Variants in FAT1 observed in about 807,000 individuals in gnomAD.
FAT1 encodes protocadherin Fat 1.
Under a neutral mutation model 329.8 loss-of-function variants are expected in FAT1, and 171 were observed. The observed-to-expected ratio is 0.52, with a 90% CI of 0.46 to 0.59. FAT1 has a LOEUF of 0.59. Ranked by LOEUF, FAT1 falls within the 20% of genes least tolerant of loss-of-function variation. FAT1 has a pLI of 0.00. For synonymous variants in FAT1, 2,233 were observed against 2,228.6 expected (o/e 1.00, Z -0.06); for missense variants, 5,672 against 5,774.4 (o/e 0.98, Z 0.57).
At chr4:186,701,737 G>GT (rs1744325642) in intron 2 of FAT1, among the ~76,000 whole-genome samples, 1 of 152,216 alleles carries the variant, frequency 6.6e-6, no homozygotes, top group Non-Finnish European at 1.5e-5. Context: ...ATCCCAGGAT[G>GT]TAAGTAAAAT....
In FAT1 at chr4:186,613,298, C is replaced by T. The variant is rs2126476045; in HGVS notation, c.9274G>A (p.Val3092Ile). The T allele has an allele frequency of 6.2e-7, 1 of 1,614,032 alleles. No individual in the cohort carries two copies. Among genetic ancestry groups the T allele is most frequent in the Non-Finnish European group, 8.5e-7 (1 of 1,179,892 alleles). Residue 3092 changes from valine (V) to isoleucine (I), a missense_variant, in exon 13 of 27, where the codon GTT (valine) becomes ATT (isoleucine). This residue lies in a region of FAT1 where 3,966 missense variants were observed against 3,915.2 expected (regional missense o/e 1.01). Coordinates refer to ENST00000441802, the MANE Select transcript of FAT1 (RefSeq NM_005245.4). ...STPLDREEQA[V>I]YHLLVRATDG... is the part of the protein sequence containing the mutation. ...GTGGCCCTGACGAGAAGATGATAAA[C>T]AGCTTGCTCCTCACGATCAAGGGGG...
chr4:186,644,236 G>GA (rs917989690), intron 3 of FAT1, among the ~76,000 whole-genome samples: 6 of 151,972 alleles, frequency 3.9e-5, no homozygotes, highest in Non-Finnish European at 8.8e-5. Context: ...AAACTGTAAC[G>GA]AAAAAACCAG....
intron 3 of FAT1, among the ~76,000 whole-genome samples, chr4:186,645,792 A>C (rs1741345010): frequency 6.6e-6 from 1 of 151,702 alleles, no homozygotes; most frequent in South Asian, 2.1e-4. Context: ...CTAAAAATTC[A>C]AAAATTAGCT....
chr4:186,697,497 C>T (rs1744095470), intron 2 of FAT1, among the ~76,000 whole-genome samples: 1 of 152,186 alleles, frequency 6.6e-6, no homozygotes, highest in Non-Finnish European at 1.5e-5. Context: ...GACAGAACAT[C>T]TGATGAAACA....
In FAT1 at chr4:186,619,686, C is replaced by T. The variant is rs775680484; in HGVS notation, c.6900G>A (p.Thr2300=). The T allele has an allele frequency of 3.1e-6, 5 of 1,613,864 alleles. No individual in the cohort carries two copies. In the African/African-American group the frequency reaches 4.0e-5, roughly 13 times the overall value. ...VTLSEASVIG[T]SVVQVRATDS... ...CGGTGGCTCTAACTTGAACAACAGACGTTCCAATTACAGATGCCTCAGACA... is the reference window on the plus strand; with the variant it reads ...CGGTGGCTCTAACTTGAACAACAGATGTTCCAATTACAGATGCCTCAGACA... Residue 2300 remains threonine (T), a synonymous_variant, in exon 10 of 27, where the codon ACG becomes ACA. Transcript: ENST00000441802.
intron 2 of FAT1, among the ~76,000 whole-genome samples, chr4:186,702,510 GTACGCAA>G (rs1744378442): frequency 6.6e-6 from 1 of 152,170 alleles, no homozygotes; most frequent in African/African-American, 2.4e-5. Flanking sequence ...AGGGCGTCCT[GTACGCAA>G]TACACACATC....
Position 186,617,000 on chromosome 4 carries a change from C to A in FAT1, c.9075+5G>T. ...ACACACAAATGTAAGGGAAGAGCTG[C>A]TTACCTTTTCACAAACTGGACTGTT... On this transcript the variant is annotated splice_donor_5th_base_variant and intron_variant, in intron 11 of 26. Transcript: ENST00000441802. 1 of 1,609,506 alleles carries A rather than the reference C, an allele frequency of 6.2e-7. No homozygotes were observed. Among genetic ancestry groups the A allele is most frequent in the Non-Finnish European group, 8.5e-7 (1 of 1,177,928 alleles).
chr4:186,718,275 G>T (rs1745308031), intron 1 of FAT1, among the ~76,000 whole-genome samples: 1 of 152,002 alleles, frequency 6.6e-6, no homozygotes, highest in African/African-American at 2.4e-5. Context: ...TGCAAATAAA[G>T]ATACTCTGAT....
intron 2 of FAT1, among the ~76,000 whole-genome samples, chr4:186,696,139 T>A (rs75334677): frequency 0.024 from 3,632 of 152,244 alleles, 134 homozygotes; most frequent in African/African-American, 0.082. Context: ...TAAACTCTAA[T>A]CTTGATACTT....
intron 18 of FAT1, 123 bp downstream of exon 18, chr4:186,604,252 GAC>G (rs1464580857): frequency 2.8e-5 from 23 of 818,970 alleles, no homozygotes; most frequent in Non-Finnish European, 7.5e-6. Context: ...AAAAAACAAA[GAC>G]AGCAATTCTA....
rs774570875 is a variant in FAT1 at position 186,617,996 on chromosome 4, T to C, written c.8590A>G (p.Met2864Val). 6 of 1,614,048 alleles carry C rather than the reference T, an allele frequency of 3.7e-6. No individual in the cohort carries two copies. The highest frequency in any genetic ancestry group is 1.3e-5 in the African/African-American group (1 of 75,062). ...AAAGTTGTAATCCAGCCTGTTTCCA[T>C]GTTAATGGCAAAGGATTCAATGACT... is the stretch of plus-strand genomic sequence containing the variant. ...VEVIESFAINMETGWITTLKE... is the reference protein window; with the variant it reads ...VEVIESFAINVETGWITTLKE... Residue 2864 changes from methionine (M) to valine (V), a missense_variant, in exon 10 of 27, where the codon ATG becomes GTG. Around this residue, in one of 2 missense-constraint regions of FAT1, gnomAD observed 3,966 missense variants for 3,915.2 expected, o/e 1.01. Coordinates refer to ENST00000441802, the MANE Select transcript of FAT1 (RefSeq NM_005245.4).
At chr4:186,725,946 G>A (rs1385614951), upstream of FAT1, among the ~76,000 whole-genome samples, 1 of 152,206 alleles carries the variant, frequency 6.6e-6, no homozygotes, top group East Asian at 1.9e-4. The surrounding 1 kb of genome is among the most constrained non-coding windows in gnomAD (Gnocchi z 5.4). Flanking sequence ...GTCGCCGAGC[G>A]CCGGGGAGGT....
intron 1 of FAT1, among the ~76,000 whole-genome samples, chr4:186,719,383 T>C (rs1242964222): frequency 1.3e-5 from 2 of 152,224 alleles, no homozygotes; most frequent in Non-Finnish European, 2.9e-5. Flanking sequence ...AGTAAAAATA[T>C]AAATAGTACC....
chr4:186,612,163 C>T (rs1023878237), intron 13 of FAT1, among the ~76,000 whole-genome samples: 4 of 150,028 alleles, frequency 2.7e-5, no homozygotes, highest in Admixed American at 2.0e-4. Context: ...GAAGGGTAAA[C>T]GCTAATATAC....
intron 2 of FAT1, among the ~76,000 whole-genome samples, chr4:186,698,598 G>A (rs1054733427): frequency 6.6e-6 from 1 of 152,384 alleles, no homozygotes; most frequent in East Asian, 1.9e-4. Context: ...GCTGACCACT[G>A]TATGCCCAAA....
chr4:186,672,805 T>A (rs327080), intron 2 of FAT1, among the ~76,000 whole-genome samples: 1 of 151,964 alleles, frequency 6.6e-6, no homozygotes, highest in African/African-American at 2.4e-5. Flanking sequence ...TCCCTGCCTG[T>A]CCTTCAATTG....
At chr4:186,658,805 A>G (rs1742032865) in intron 3 of FAT1, among the ~76,000 whole-genome samples, 1 of 152,078 alleles carries the variant, frequency 6.6e-6, no homozygotes, top group Admixed American at 6.5e-5. Flanking sequence ...AACCACTGCC[A>G]GTTTCCCACT....
rs2126689192 is a variant in FAT1 at position 186,707,514 on chromosome 4, C to T, written c.2314G>A (p.Gly772Arg). The change falls in exon 2 of 27, where the codon GGA (glycine) becomes AGA (arginine). Residue 772 changes from glycine to arginine, a missense_variant. Physicochemically the swap from Gly to Arg is moderately radical, Grantham distance 125. Transcript: ENST00000441802. ...AGAGGAGATAAAATTTTCAGCATTC[C>T]TGTTTCCATATCAATCATGAAGCAA... ...DSCFMIDMET[G>R]MLKILSPLDR... 6.2e-7 allele frequency: 1 copy of T among 1,614,012 alleles called. No homozygotes were observed. The highest frequency in any genetic ancestry group is 8.5e-7 in the Non-Finnish European group (1 of 1,179,888).
intron 2 of FAT1, among the ~76,000 whole-genome samples, chr4:186,675,708 T>C (rs116554920): frequency 0.058 from 8,741 of 150,584 alleles, 296 homozygotes; most frequent in East Asian, 0.14. Context: ...CACCACTGCA[T>C]TCCAGCCCAG....
Sources: allele counts gnomAD v4.1 joint callset (sites outside exome capture counted in the v4.1 genomes callset), GRCh38; gene constraint gnomAD v4.1.1; regional missense constraint gnomAD v4.1.1; non-coding constraint Gnocchi (gnomAD v3.1); transcripts MANE v1.5; gene names NCBI Gene and HGNC (gene_info 2026-07-23, HGNC 2026-07-21).